The following DNAH6 variants were observed in gnomAD, a reference collection of about 807,000 sequenced individuals.
DNAH6 encodes the protein dynein axonemal heavy chain 6.
In DNAH6, 340 loss-of-function variants were observed where a neutral mutation model predicts 491.4. The ratio of observed to expected loss-of-function variants is 0.69; its 90% CI spans 0.63 to 0.76. The LOEUF is 0.76. Among genes scored for constraint, DNAH6 ranks in the 30% least tolerant of loss-of-function variants. DNAH6 has a pLI of 0.00. For missense variants in DNAH6, 4,443 were observed against 4,972.2 expected, an observed-to-expected ratio of 0.89 and a Z score of 3.20; for synonymous variants, 1,603 against 1,686.1, an observed-to-expected ratio of 0.95 and a Z score of 1.21.
chr2:84,632,459 C>A (rs1349399337), intron 29 of DNAH6, among the ~76,000 whole-genome samples: 1 of 152,200 alleles, frequency 6.6e-6, no homozygotes, highest in Non-Finnish European at 1.5e-5. Context: ...TGACCACAGA[C>A]ATGTTCTCAA....
At chr2:84,728,596 A>C (rs1698860814) in intron 61 of DNAH6, among the ~76,000 whole-genome samples, 1 of 152,248 alleles carries the variant, frequency 6.6e-6, no homozygotes, top group South Asian at 2.1e-4. Context: ...GTTAAAATCC[A>C]ATAAAAGTTG....
intron 49 of DNAH6, 111 bp downstream of exon 49, chr2:84,701,450 T>C: frequency 9.1e-7 from 1 of 1,094,234 alleles, no homozygotes; most frequent in African/African-American, 1.6e-5. Flanking sequence ...TATTAGTCCA[T>C]TCTCGCACTG....
At chr2:84,503,413 C>A in the DNAH6 span, among the ~76,000 whole-genome samples, 5 of 152,030 alleles carry the variant, frequency 3.3e-5, no homozygotes. Flanking sequence ...ATACTTAGGA[C>A]AAGAGTACAA....
the DNAH6 span, among the ~76,000 whole-genome samples, chr2:84,506,854 T>C: frequency 6.6e-6 from 1 of 152,094 alleles, no homozygotes; most frequent in Non-Finnish European, 1.5e-5. Flanking sequence ...TTTTCTCAGG[T>C]TTGTCAAAGA....
intron 33 of DNAH6, among the ~76,000 whole-genome samples, chr2:84,643,933 T>G (rs80126449): frequency 6.6e-6 from 1 of 151,950 alleles, no homozygotes; most frequent in Non-Finnish European, 1.5e-5. Context: ...TTTGTTTTTG[T>G]TTTTTTGCCT....
rs1680826050 is a variant in DNAH6, at chr2:84,819,516, T to G, written c.*108T>G. On this transcript the variant is annotated 3_prime_UTR_variant, in exon 77 of 77. Transcript: ENST00000389394. ...GAGCAAAACGGTGTTAATTCTGATT[T>G]GACTTAAACGTATTGTGACTTTTAT... 1.5e-6 allele frequency: 1 copy of G among 660,804 alleles called. No homozygotes were observed. The highest frequency in any genetic ancestry group is 3.1e-5 in the Admixed American group (1 of 31,932). The allele number at this position is 660,804 out of a possible 1,614,324, so 40.9% of individuals were successfully genotyped here. A position where few individuals can be genotyped will look rare whatever the true frequency, so the allele number is the denominator to read the frequency against.
intron 63 of DNAH6, among the ~76,000 whole-genome samples, chr2:84,750,260 C>T (rs1245637772): frequency 3.5e-5 from 5 of 144,072 alleles, no homozygotes; most frequent in African/African-American, 1.3e-4. Flanking sequence ...GGCATGATCT[C>T]CACTCACTGC....
At chr2:84,549,139 T>G (rs774261185) in intron 8 of DNAH6, among the ~76,000 whole-genome samples, 1 of 152,336 alleles carries the variant, frequency 6.6e-6, no homozygotes, top group Admixed American at 6.5e-5. Context: ...GTTCCAGAAT[T>G]TGGATTTCCC....
At chr2:84,600,161 C>G (rs972207776) in intron 18 of DNAH6, among the ~76,000 whole-genome samples, 1 of 152,130 alleles carries the variant, frequency 6.6e-6, no homozygotes, top group Non-Finnish European at 1.5e-5. Flanking sequence ...GTTGAACTCT[C>G]TAACTATAAT....
chr2:84,642,050 T>G lies in DNAH6; in HGVS notation c.5074T>G (p.Phe1692Val). 9 of 1,548,748 alleles carry G rather than the reference T, an allele frequency of 5.8e-6. No homozygotes were observed. The highest frequency in any genetic ancestry group is 7.9e-6 in the Non-Finnish European group (9 of 1,144,858). Residue 1692 changes from phenylalanine (F) to valine (V), a missense_variant, in exon 33 of 77, where the codon TTC becomes GTC. Transcript: ENST00000389394. ...PKFLTDDALL[F>V]SGIISDLFPG... ...ATTTCTAACAGATGATGCTCTTCTG[T>G]TCAGGTAAGTTTGTAGACATTACCA... is the stretch of plus-strand genomic sequence containing the variant.
intron 14 of DNAH6, among the ~76,000 whole-genome samples, chr2:84,580,455 T>C (rs999144132): frequency 6.6e-6 from 1 of 152,214 alleles, no homozygotes; most frequent in African/African-American, 2.4e-5. Context: ...AGTTTTTTCA[T>C]AAACTTCCAT....
intron 64 of DNAH6, among the ~76,000 whole-genome samples, chr2:84,771,835 G>T (rs1675652532): frequency 6.6e-6 from 1 of 152,180 alleles, no homozygotes; most frequent in Non-Finnish European, 1.5e-5. Flanking sequence ...AAAAGGAGTT[G>T]TTCAGACTAA....
chr2:84,761,711 G>A (rs988758093), intron 63 of DNAH6, among the ~76,000 whole-genome samples: 5 of 151,912 alleles, frequency 3.3e-5, no homozygotes, highest in African/African-American at 9.7e-5. Context: ...GGCCACAGAA[G>A]GGTGTGATCC....
intron 53 of DNAH6, 83 bp downstream of exon 53, chr2:84,707,102 G>T: frequency 7.1e-7 from 1 of 1,407,048 alleles, no homozygotes; most frequent in South Asian, 1.6e-5. Context: ...TCAGGTTTCA[G>T]CTTTTATCCA....
At position 84,670,213 on chromosome 2, in the gene DNAH6, C is replaced by T. The variant is rs1430070756; in HGVS notation, c.6307-115C>T. Reference sequence around the variant, plus strand: ...AGTAAGAGAAAGCAGACATTTCAATCTGGCTTTAACCTCTCTCTTTTTATC... The same window carrying T: ...AGTAAGAGAAAGCAGACATTTCAATTTGGCTTTAACCTCTCTCTTTTTATC... On this transcript the variant is annotated intron_variant, in intron 38 of 76. Transcript: ENST00000389394. 4.5e-6 allele frequency: 3 copies of T among 665,594 alleles called. No individual in the cohort carries two copies. The African/African-American group carries it at 5.7e-5, about 13-fold the overall frequency. The allele number at this position is 665,594 out of a possible 1,614,324, so 41.2% of individuals were successfully genotyped here. A position where few individuals can be genotyped will look rare whatever the true frequency, so the allele number is the denominator to read the frequency against.
intron 64 of DNAH6, among the ~76,000 whole-genome samples, chr2:84,766,259 C>A (rs1050255891): frequency 6.6e-6 from 1 of 152,102 alleles, no homozygotes; most frequent in Non-Finnish European, 1.5e-5. Flanking sequence ...GCAAGATTTT[C>A]AAGTATCCAT....
chr2:84,475,030 G>A, the DNAH6 span, among the ~76,000 whole-genome samples: 2 of 152,218 alleles, frequency 1.3e-5, no homozygotes, highest in Non-Finnish European at 1.5e-5. Flanking sequence ...CCCCTGGGGA[G>A]GCAGACCACG....
Position 84,621,528 on chromosome 2 carries a change from A to G in DNAH6, c.4048A>G (p.Asn1350Asp). 7.2e-6 allele frequency: 11 copies of G among 1,521,242 alleles called. No homozygotes were observed. The highest frequency in any genetic ancestry group is 9.8e-6 in the Non-Finnish European group (11 of 1,123,372). The allele number at this position is 1,521,242 out of a possible 1,614,324, so 94.2% of individuals were successfully genotyped here. A position where few individuals can be genotyped will look rare whatever the true frequency, so the allele number is the denominator to read the frequency against. ...CAGTAATCATATACAGGCCCTGAAG[A>G]ATTTTGAAAAAGTAAATTTTGAGGT... Reference protein sequence around the residue: ...EHSNHIQALKNFEKVNFERLN... With the variant: ...EHSNHIQALKDFEKVNFERLN... The change falls in exon 26 of 77, where the codon AAT becomes GAT. Residue 1350 changes from asparagine (N) to aspartate (D), a missense_variant. Coordinates refer to ENST00000389394, the MANE Select transcript of DNAH6 (RefSeq NM_001370.2).
At chr2:84,651,233 C>T (rs1279672664) in intron 33 of DNAH6, among the ~76,000 whole-genome samples, 1 of 152,106 alleles carries the variant, frequency 6.6e-6, no homozygotes, top group Non-Finnish European at 1.5e-5. Context: ...AGAAGGGGTG[C>T]TTCATTATTC....
Sources: allele counts gnomAD v4.1 joint callset (sites outside exome capture counted in the v4.1 genomes callset), GRCh38; gene constraint gnomAD v4.1.1; transcripts MANE v1.5; gene names NCBI Gene and HGNC (gene_info 2026-07-23, HGNC 2026-07-21).